The following BIRC6 variants were observed in gnomAD, a reference collection of about 807,000 sequenced individuals.
BIRC6 encodes the protein baculoviral IAP repeat containing 6, also known as dual E2 ubiquitin-conjugating enzyme/E3 ubiquitin-protein ligase BIRC6.
Under a neutral mutation model 503.3 loss-of-function variants are expected in BIRC6, and 98 were observed. That is an observed-to-expected ratio of 0.19 (90% CI 0.17 to 0.23). The LOEUF is 0.23. Among genes scored for constraint, BIRC6 ranks in the 10% least tolerant of loss-of-function variants. The pLI, the probability that BIRC6 is intolerant of heterozygous loss-of-function variation, is 1.00. For missense variants in BIRC6, 5,360 were observed against 5,806.0 expected (o/e 0.92, Z 2.50); for synonymous variants, 2,240 against 2,078.7 (o/e 1.08, Z -2.11).
intron 23 of BIRC6, among the ~76,000 whole-genome samples, chr2:32,460,830 T>G (rs575348434): frequency 6.6e-6 from 1 of 151,922 alleles, no homozygotes; most frequent in South Asian, 2.1e-4. Flanking sequence ...ACCATATATA[T>G]TACCCCAAAA....
chr2:32,522,050 C>G (rs1355847290), intron 57 of BIRC6: 1 of 151,956 alleles, frequency 6.6e-6, no homozygotes, highest in Non-Finnish European at 1.5e-5. Context: ...TTTGACACCC[C>G]AAATCTGTGT....
chr2:32,523,888 T>G (rs571456637), intron 57 of BIRC6, among the ~76,000 whole-genome samples: 51 of 152,204 alleles, frequency 3.4e-4, no homozygotes, highest in Non-Finnish European at 1.2e-4. Flanking sequence ...ACCTCGTCTC[T>G]CCTAAAAATA....
chr2:32,429,153 G>T lies in BIRC6; in HGVS notation c.2880G>T (p.Glu960Asp). The T allele has an allele frequency of 6.3e-7, 1 of 1,589,242 alleles. No individual in the cohort carries two copies. The highest frequency in any genetic ancestry group is 8.6e-7 in the Non-Finnish European group (1 of 1,168,584). ...AAATTTACTACACTGTAGGTGGTGA[G>T]CTTCATTTTCTCCAAATTGGAGGAA... ...DRLCACTKGG[E>D]LHFLQIGGTC... The change falls in exon 11 of 74, where the codon GAG becomes GAT. Residue 960 changes from glutamate to aspartate, a missense_variant. Glu to Asp is a conservative substitution (Grantham distance 45). Around this residue, in one of 16 missense-constraint regions of BIRC6, gnomAD observed 700 missense variants for 739.3 expected, o/e 0.95. Transcript: ENST00000421745.
In BIRC6 at chr2:32,479,495, T is replaced by C. The variant is rs1413363850; in HGVS notation, c.7286T>C (p.Met2429Thr). The C allele has an allele frequency of 6.2e-7, 1 of 1,604,550 alleles. No individual in the cohort carries two copies. Among genetic ancestry groups the C allele is most frequent in the Admixed American group, 1.7e-5 (1 of 58,642 alleles). ...CTGGCTCCAGTAGCCGCAGAAGCCA[T>C]GGAGGAAGGAACAGTGGGTGATGAT... ...ELLAPVAAEA[M>T]EEGTVGDDVG... Residue 2429 changes from methionine to threonine, a missense_variant, in exon 37 of 74, where the codon ATG becomes ACG. By Grantham distance (81) the Met-to-Thr change is moderately conservative. Coordinates refer to ENST00000421745, the MANE Select transcript of BIRC6 (RefSeq NM_016252.4).
chr2:32,487,705 C>A lies in BIRC6; in HGVS notation c.7872C>A (p.Asn2624Lys). 3 of 1,613,730 alleles carry A rather than the reference C, an allele frequency of 1.9e-6. No individual in the cohort carries two copies. The South Asian group carries it at 3.3e-5, about 18-fold the overall frequency. ...TTCTAGGGGGTTTACAAGCAGCAAA[C>A]CAAACCAGCCAGCTTATTATACAGT... is the stretch of plus-strand genomic sequence containing the variant. The part of the protein sequence containing the change: ...DSLLGGLQAA[N>K]QTSQLIIQLS... The change falls in exon 41 of 74, where the codon AAC (asparagine) becomes AAA (lysine). Residue 2624 changes from asparagine to lysine, a missense_variant. By Grantham distance (94) the Asn-to-Lys change is moderately conservative. Transcript: ENST00000421745.
At position 32,543,324 on chromosome 2, in the gene BIRC6, A is replaced by C; in HGVS notation, c.12375A>C (p.Ser4125=). The C allele has an allele frequency of 6.2e-7, 1 of 1,614,018 alleles. No individual in the cohort carries two copies. Among genetic ancestry groups the C allele is most frequent in the Non-Finnish European group, 8.5e-7 (1 of 1,179,880 alleles). Residue 4125 remains serine (S), a synonymous_variant, in exon 62 of 74, where the codon TCA becomes TCC. Transcript: ENST00000421745. ...TTGAATGGGTGACCATTGAACAGTCAGGGGAGTTAGTTTATGAAGCACCAG... is the reference window on the plus strand; with the variant it reads ...TTGAATGGGTGACCATTGAACAGTCCGGGGAGTTAGTTTATGAAGCACCAG... The part of the protein sequence containing the change: ...DQFEWVTIEQ[S]GELVYEAPET...
At chr2:32,420,937 A>ATTT (rs70938343) in intron 10 of BIRC6, among the ~76,000 whole-genome samples, 11 of 128,320 alleles carry the variant, frequency 8.6e-5, no homozygotes, top group Non-Finnish European at 1.3e-4. Flanking sequence ...TGTTTTATTG[A>ATTT]TTTTTTTTTT....
intron 2 of BIRC6, among the ~76,000 whole-genome samples, chr2:32,378,703 C>A (rs969990095): frequency 6.6e-6 from 1 of 152,078 alleles, no homozygotes; most frequent in African/African-American, 2.4e-5. Flanking sequence ...TTGATCCGCC[C>A]GCCTCAGCCT....
chr2:32,487,887 C>G (rs1049175381), intron 41 of BIRC6, 86 bp downstream of exon 41: 3 of 1,133,834 alleles, frequency 2.6e-6, no homozygotes, highest in Middle Eastern at 2.2e-4. Flanking sequence ...TCATTCTAAT[C>G]CTGTCAGGGA....
chr2:32,553,319 T>C (rs958639098), intron 65 of BIRC6, among the ~76,000 whole-genome samples: 4 of 151,944 alleles, frequency 2.6e-5, no homozygotes, highest in Non-Finnish European at 4.4e-5. Context: ...CCTACTCTTT[T>C]GACCTCTTTT....
At chr2:32,384,593 C>T (rs2038174294) in intron 3 of BIRC6, among the ~76,000 whole-genome samples, 1 of 152,116 alleles carries the variant, frequency 6.6e-6, no homozygotes, top group Admixed American at 6.5e-5. Flanking sequence ...TATAATCAAC[C>T]TACTGTCAGA....
chr2:32,484,656 C>T (rs933628201), intron 39 of BIRC6, among the ~76,000 whole-genome samples: 6 of 151,760 alleles, frequency 4.0e-5, no homozygotes, highest in African/African-American at 1.5e-4. Context: ...GTGAATTATA[C>T]CTTACCATTT....
At chr2:32,572,190 A>G (rs1469729084) in intron 65 of BIRC6, among the ~76,000 whole-genome samples, 1 of 152,234 alleles carries the variant, frequency 6.6e-6, no homozygotes, top group East Asian at 1.9e-4. Flanking sequence ...AAAGGAATGT[A>G]TATACTGTCA....
At chr2:32,367,373 A>T (rs1281221393) in intron 1 of BIRC6, among the ~76,000 whole-genome samples, 4 of 152,012 alleles carry the variant, frequency 2.6e-5, no homozygotes, top group African/African-American at 9.7e-5. Context: ...GAGGCAGGAG[A>T]ATCACTTGAA....
chr2:32,401,034 T>A lies in BIRC6; in HGVS notation c.1035-129T>A, dbSNP rs969077252. The A allele has an allele frequency of 4.8e-5, 35 of 735,008 alleles. No individual in the cohort carries two copies. The African/African-American group carries it at 5.7e-4, about 12-fold the overall frequency. The allele number at this position is 735,008 out of a possible 1,614,324, so 45.5% of individuals were successfully genotyped here. On this transcript the variant is annotated intron_variant, in intron 6 of 73. Coordinates refer to ENST00000421745, the MANE Select transcript of BIRC6 (RefSeq NM_016252.4). The stretch of plus-strand genomic sequence containing the variant: ...TTCATAAAACTGAATGATTTGGTTA[T>A]ATTAAGTCTTTAATGATGAATACTT...
At chr2:32,396,537 A>G (rs2039910068) in intron 6 of BIRC6, among the ~76,000 whole-genome samples, 2 of 152,230 alleles carry the variant, frequency 1.3e-5, no homozygotes. Flanking sequence ...GCAGGCAGAG[A>G]GTTGAATACA....
chr2:32,566,832 AT>A (rs2059567049), intron 65 of BIRC6, among the ~76,000 whole-genome samples: 1 of 152,182 alleles, frequency 6.6e-6, no homozygotes, highest in South Asian at 2.1e-4. Flanking sequence ...GTTGATTGTT[AT>A]ATAAAATTAA....
chr2:32,525,114 A>G (rs910870019), intron 58 of BIRC6, 95 bp downstream of exon 58: 44 of 1,108,546 alleles, frequency 4.0e-5, no homozygotes, highest in East Asian at 1.2e-4. Flanking sequence ...ACATTGTACT[A>G]ATATAAAAAG....
intron 65 of BIRC6, among the ~76,000 whole-genome samples, chr2:32,556,893 C>T (rs969271126): frequency 1.1e-4 from 16 of 151,974 alleles, no homozygotes; most frequent in Admixed American, 7.9e-4. Flanking sequence ...GAGTCAAGAA[C>T]GAGCCACTGC....
Sources: gnomAD v4.1 joint callset for allele counts (sites outside exome capture counted in the v4.1 genomes callset) on GRCh38, gnomAD v4.1.1 for gene constraint, gnomAD v4.1.1 regional missense constraint, MANE v1.5 for transcripts, NCBI Gene and HGNC (gene_info 2026-07-23, HGNC 2026-07-21) for gene names.